MEOX2: variants seen among roughly 807,000 people sequenced by gnomAD.
MEOX2 encodes the protein mesenchyme homeobox 2.
MEOX2 carries 11 observed loss-of-function variants against 27.0 expected under a neutral mutation model. That is an observed-to-expected ratio of 0.41 (90% CI 0.26 to 0.68). MEOX2 has a LOEUF of 0.68. Ranked by LOEUF, MEOX2 falls within the 30% of genes least tolerant of loss-of-function variation. The pLI is 0.33. For missense variants in MEOX2, 436 were observed against 385.4 expected (o/e 1.13, Z -1.10); for synonymous variants, 189 against 155.4 (o/e 1.22, Z -1.61).
chr7:15,638,871 G>A (rs528751392), intron 1 of MEOX2, among the ~76,000 whole-genome samples: 8 of 151,764 alleles, frequency 5.3e-5, no homozygotes, highest in South Asian at 2.1e-4. Context: ...ATTTCTTTAC[G>A]CGATCAACTG....
At chr7:15,677,112 A>G (rs996333872) in intron 1 of MEOX2, among the ~76,000 whole-genome samples, 5 of 152,210 alleles carry the variant, frequency 3.3e-5, no homozygotes, top group Admixed American at 3.3e-4. Flanking sequence ...GACAATGATT[A>G]TTTTAAATCT....
chr7:15,666,821 A>T (rs886423649), intron 1 of MEOX2, among the ~76,000 whole-genome samples: 4 of 142,762 alleles, frequency 2.8e-5, no homozygotes, highest in Non-Finnish European at 6.0e-5. Flanking sequence ...AATGGTAAAA[A>T]TTGAGGATAT....
chr7:15,679,429 T>C (rs1782257771), intron 1 of MEOX2: 1 of 152,094 alleles, frequency 6.6e-6, no homozygotes, highest in African/African-American at 2.4e-5. Flanking sequence ...TTAAGAAACA[T>C]ACGTCTAACA....
At chr7:15,628,929 C>G (rs1031763731) in intron 1 of MEOX2, among the ~76,000 whole-genome samples, 3 of 152,056 alleles carry the variant, frequency 2.0e-5, no homozygotes, top group Non-Finnish European at 4.4e-5. Context: ...CATCCACGTT[C>G]TCAGGTGAAT....
intron 1 of MEOX2, among the ~76,000 whole-genome samples, chr7:15,648,906 A>C (rs1322586254): frequency 6.6e-6 from 1 of 151,976 alleles, no homozygotes; most frequent in Non-Finnish European, 1.5e-5. Context: ...CACGACTATA[A>C]AACAGGAGCA....
At chr7:15,658,885 A>G (rs1781865537) in intron 1 of MEOX2, among the ~76,000 whole-genome samples, 1 of 152,240 alleles carries the variant, frequency 6.6e-6, no homozygotes, top group African/African-American at 2.4e-5. Flanking sequence ...TAAGACAACC[A>G]GTCTGTAATG....
chr7:15,657,808 T>C (rs1781848270), intron 1 of MEOX2, among the ~76,000 whole-genome samples: 1 of 152,210 alleles, frequency 6.6e-6, no homozygotes, highest in Non-Finnish European at 1.5e-5. Flanking sequence ...TGGATAGTTT[T>C]AGTATTATGT....
At chr7:15,641,806 T>C (rs190810967) in intron 1 of MEOX2, among the ~76,000 whole-genome samples, 63 of 152,296 alleles carry the variant, frequency 4.1e-4, no homozygotes, top group African/African-American at 1.5e-3. Context: ...AGGTCTAGTC[T>C]CATGGTGATA....
intron 1 of MEOX2, among the ~76,000 whole-genome samples, chr7:15,673,200 T>G (rs918893064): frequency 2.0e-5 from 3 of 152,078 alleles, no homozygotes; most frequent in African/African-American, 7.2e-5. Context: ...CCTTAGGGAG[T>G]GCATATTTCT....
At position 15,612,323 on chromosome 7, in the gene MEOX2, A is replaced by C; in HGVS notation, c.*64T>G. 1 of 1,279,712 alleles carries C rather than the reference A, an allele frequency of 7.8e-7. No individual in the cohort carries two copies. Among genetic ancestry groups the C allele is most frequent in the Non-Finnish European group, 1.1e-6 (1 of 878,490 alleles). 79.3% of individuals were successfully genotyped at this position (1,279,712 alleles called of 1,614,324 possible). A position where few individuals can be genotyped will look rare whatever the true frequency, so the allele number is the denominator to read the frequency against. Reference sequence around the variant, plus strand: ...ATAGTCATCTCTCTGTGTAAACGATATTTGGGTAAGGCTTGCCATCACAAC... The same window carrying C: ...ATAGTCATCTCTCTGTGTAAACGATCTTTGGGTAAGGCTTGCCATCACAAC... On this transcript the variant is annotated 3_prime_UTR_variant, in exon 3 of 3. Transcript: ENST00000262041.
intron 1 of MEOX2, among the ~76,000 whole-genome samples, chr7:15,635,585 G>A (rs1037569690): frequency 6.6e-6 from 1 of 151,950 alleles, no homozygotes; most frequent in Admixed American, 6.6e-5. Flanking sequence ...GTAAACTCTA[G>A]CCGTTATTAG....
At chr7:15,646,778 G>C (rs1781657220) in intron 1 of MEOX2, among the ~76,000 whole-genome samples, 1 of 151,880 alleles carries the variant, frequency 6.6e-6, no homozygotes, top group Non-Finnish European at 1.5e-5. Context: ...GAATATGAAA[G>C]ATTGATATAC....
chr7:15,632,106 T>C (rs570375442), intron 1 of MEOX2, among the ~76,000 whole-genome samples: 1 of 151,918 alleles, frequency 6.6e-6, no homozygotes, highest in South Asian at 2.1e-4. Context: ...GATGTAGACG[T>C]TTCCTTGAAG....
chr7:15,662,790 A>G (rs1781938160), intron 1 of MEOX2, among the ~76,000 whole-genome samples: 1 of 152,186 alleles, frequency 6.6e-6, no homozygotes, highest in Non-Finnish European at 1.5e-5. Flanking sequence ...TTTATAAAAA[A>G]TGAAACCACT....
chr7:15,626,934 GAC>G lies in MEOX2; in HGVS notation c.518-18_518-17del. On this transcript the variant is annotated splice_polypyrimidine_tract_variant and intron_variant, in intron 1 of 2. Transcript: ENST00000262041. Reference sequence around the variant, plus strand: ...TCCTGGGAGTCTGAAAAAAAAGGGAGACAGAATTGGTAATAACTCATTTATTC... The same window carrying G: ...TCCTGGGAGTCTGAAAAAAAAGGGAGAGAATTGGTAATAACTCATTTATTC... The G allele has an allele frequency of 6.2e-7, 1 of 1,608,896 alleles. No individual in the cohort carries two copies. Among genetic ancestry groups the G allele is most frequent in the Non-Finnish European group, 8.5e-7 (1 of 1,176,476 alleles).
chr7:15,642,792 G>T (rs946514882), intron 1 of MEOX2, among the ~76,000 whole-genome samples: 52 of 152,142 alleles, frequency 3.4e-4, no homozygotes, highest in African/African-American at 1.3e-3. Context: ...CCCCTCTTGA[G>T]GGTGTAACTA....
intron 2 of MEOX2, among the ~76,000 whole-genome samples, chr7:15,625,433 C>T (rs927546950): frequency 6.6e-6 from 1 of 152,124 alleles, no homozygotes; most frequent in Non-Finnish European, 1.5e-5. Flanking sequence ...ATAAATAAAA[C>T]CACAGAAAAG....
Position 15,612,254 on chromosome 7 carries a change from C to G in MEOX2, c.*133G>C. 1 of 738,888 alleles carries G rather than the reference C, an allele frequency of 1.4e-6. No individual in the cohort carries two copies. The highest frequency in any genetic ancestry group is 2.2e-6 in the Non-Finnish European group (1 of 449,178). 45.8% of individuals were successfully genotyped at this position (738,888 alleles called of 1,614,324 possible). A position where few individuals can be genotyped will look rare whatever the true frequency, so the allele number is the denominator to read the frequency against. ...TAAACCCTCTATAAATCATGAAAAA[C>G]AGATTCGAAATGCCTGGATTTAATA... On this transcript the variant is annotated 3_prime_UTR_variant, in exon 3 of 3. Coordinates refer to ENST00000262041, the MANE Select transcript of MEOX2 (RefSeq NM_005924.5).
intron 1 of MEOX2, among the ~76,000 whole-genome samples, chr7:15,664,275 T>C (rs563064669): frequency 6.6e-6 from 1 of 152,334 alleles, no homozygotes; most frequent in Non-Finnish European, 1.5e-5. Context: ...GTTTCTTCCC[T>C]TTGTGTTGTA....
Sources: allele counts gnomAD v4.1 joint callset (sites outside exome capture counted in the v4.1 genomes callset), GRCh38; gene constraint gnomAD v4.1.1; transcripts MANE v1.5; gene names NCBI Gene and HGNC (gene_info 2026-07-23, HGNC 2026-07-21).